The following ZNF382 variants were observed in gnomAD, a reference collection of about 807,000 sequenced individuals.
ZNF382 encodes zinc finger protein 382, also known as KRAB/zinc finger suppressor protein 1.
ZNF382 carries 20 observed loss-of-function variants against 38.8 expected under a neutral mutation model. The observed-to-expected ratio is 0.51, with a 90% CI of 0.36 to 0.75. ZNF382 has a LOEUF of 0.75. Ranked by LOEUF, ZNF382 falls within the 30% of genes least tolerant of loss-of-function variation. The pLI is 0.00. For missense variants in ZNF382, 546 were observed against 654.1 expected (o/e 0.83, Z 1.80); for synonymous variants, 202 against 223.1 (o/e 0.91, Z 0.84).
At position 36,627,166 on chromosome 19, in the gene ZNF382, C is replaced by T. The variant is rs765710784; in HGVS notation, c.1269C>T (p.Leu423=). The stretch of plus-strand genomic sequence containing the variant: ...AGGCATTTATCCAGAAGACAACCCT[C>T]ACTGTTCATCAGAGAACTCACACAG... ...CGKAFIQKTT[L]TVHQRTHTGE... is the part of the protein sequence containing the mutation. The change falls in exon 5 of 5, where the codon CTC becomes CTT. Residue 423 remains leucine (L), a synonymous_variant. Coordinates refer to ENST00000292928, the MANE Select transcript of ZNF382 (RefSeq NM_032825.5). The T allele has an allele frequency of 2.4e-5, 38 of 1,614,034 alleles. No individual in the cohort carries two copies. The highest frequency in any genetic ancestry group is 3.1e-5 in the Non-Finnish European group (36 of 1,180,038).
chr19:36,628,125 T>A lies in ZNF382; in HGVS notation c.*575T>A, dbSNP rs2037230355. The A allele has an allele frequency of 6.6e-6, 1 of 152,452 alleles. No homozygotes were observed. The highest frequency in any genetic ancestry group is 1.5e-5 in the Non-Finnish European group (1 of 68,240). The allele number at this position is 152,452 out of a possible 1,614,324, so 9.4% of individuals were successfully genotyped here. A position where few individuals can be genotyped will look rare whatever the true frequency, so the allele number is the denominator to read the frequency against. On this transcript the variant is annotated 3_prime_UTR_variant, in exon 5 of 5. Transcript: ENST00000292928. ...ACCTTCATCATGTCCGTGAGTCTAA[T>A]CATTAGTACGTGTGGCAGAAGTTTA... is the stretch of plus-strand genomic sequence containing the variant.
intron 4 of ZNF382, among the ~76,000 whole-genome samples, chr19:36,612,356 G>T (rs1317971522): frequency 6.6e-6 from 1 of 152,192 alleles, no homozygotes; most frequent in African/African-American, 2.4e-5. Context: ...ATCTCTTGTT[G>T]AAAGACATTT....
intron 4 of ZNF382, among the ~76,000 whole-genome samples, chr19:36,619,376 A>G (rs2037150587): frequency 4.6e-5 from 7 of 152,182 alleles, no homozygotes. Context: ...GCAGGAGGGC[A>G]CAGGCCTGTG....
chr19:36,620,683 TC>T (rs1390295134), intron 4 of ZNF382, among the ~76,000 whole-genome samples: 1 of 152,220 alleles, frequency 6.6e-6, no homozygotes, highest in Non-Finnish European at 1.5e-5. Context: ...AATTGTCCTA[TC>T]CTTTTTGGTT....
intron 3 of ZNF382, 113 bp from the exon 4 acceptor site, chr19:36,610,537 G>A (rs2037068853): frequency 7.3e-6 from 5 of 685,070 alleles, no homozygotes; most frequent in Non-Finnish European, 1.2e-5. Context: ...TATTAACTTT[G>A]GTAAGACATT....
Position 36,628,506 on chromosome 19 carries a change from T to G in ZNF382, c.*956T>G, listed in dbSNP as rs898442732. 3 of 153,042 alleles carry G rather than the reference T, an allele frequency of 2.0e-5. No individual in the cohort carries two copies. The highest frequency in any genetic ancestry group is 7.2e-5 in the African/African-American group (3 of 41,452). 9.5% of individuals were successfully genotyped at this position (153,042 alleles called of 1,614,324 possible). A position where few individuals can be genotyped will look rare whatever the true frequency, so the allele number is the denominator to read the frequency against. On this transcript the variant is annotated 3_prime_UTR_variant, in exon 5 of 5. Transcript: ENST00000292928. ...ACTCAATCAATGTTATTGTGAAAAC[T>G]GGGAATGTGAATGTAATATATGTAG...
rs1422243423 is a variant in ZNF382, at chr19:36,633,578, T to G, written c.*6028T>G. On this transcript the variant is annotated 3_prime_UTR_variant, in exon 5 of 5. Transcript: ENST00000292928. ...CAATATGACCCAGCAATCCCACTTA[T>G]AAGTACTTATCCTAGAGAAATGAAA... 6.6e-6 allele frequency: 1 copy of G among 152,172 alleles called. No homozygotes were observed. Among genetic ancestry groups the G allele is most frequent in the South Asian group, 2.1e-4 (1 of 4,818 alleles). The allele number at this position is 152,172 out of a possible 1,614,324, so 9.4% of individuals were successfully genotyped here.
At chr19:36,611,965 T>C (rs2037080979) in intron 4 of ZNF382, among the ~76,000 whole-genome samples, 1 of 152,228 alleles carries the variant, frequency 6.6e-6, no homozygotes, top group Non-Finnish European at 1.5e-5. Context: ...CCTGGGTTTG[T>C]GGAAATATTG....
Position 36,627,681 on chromosome 19 carries a change from AACACACAC to A in ZNF382, c.*153_*160del, listed in dbSNP as rs10669183. On this transcript the variant is annotated 3_prime_UTR_variant, in exon 5 of 5. Coordinates refer to ENST00000292928, the MANE Select transcript of ZNF382 (RefSeq NM_032825.5). ...TAACCTACTGTTTGCCAGCCTGTAA[AACACACAC>A]ACACACACACACACACACACAAATA... 1.1e-3 allele frequency: 564 copies of A among 533,046 alleles called. No individual in the cohort carries two copies. Among genetic ancestry groups the A allele is most frequent in the African/African-American group, 0.01 (524 of 51,376 alleles). 33.0% of individuals were successfully genotyped at this position (533,046 alleles called of 1,614,324 possible).
chr19:36,623,551 A>G (rs1443904569), intron 4 of ZNF382, among the ~76,000 whole-genome samples: 4 of 152,128 alleles, frequency 2.6e-5, no homozygotes, highest in Non-Finnish European at 5.9e-5. Flanking sequence ...GCATTTTGGG[A>G]GGCCAGGGCA....
chr19:36,623,373 G>A (rs546195049), intron 4 of ZNF382, among the ~76,000 whole-genome samples: 2 of 152,232 alleles, frequency 1.3e-5, no homozygotes, highest in South Asian at 4.1e-4. Context: ...ATCAAATTGA[G>A]GACTTTACAT....
In ZNF382 at chr19:36,627,099, C is replaced by G; in HGVS notation, c.1202C>G (p.Thr401Ser). ...KKSYLIDHQR[T>S]HTGEKPYQCN... is the part of the protein sequence containing the mutation. Reference sequence around the variant, plus strand: ...TCATACCTCATTGATCACCAGAGAACTCACACAGGAGAGAAACCGTATCAG... The same window carrying G: ...TCATACCTCATTGATCACCAGAGAAGTCACACAGGAGAGAAACCGTATCAG... The change falls in exon 5 of 5, where the codon ACT (threonine) becomes AGT (serine). Residue 401 changes from threonine (T) to serine (S), a missense_variant. Physicochemically the swap from Thr to Ser is moderately conservative, Grantham distance 58. Transcript: ENST00000292928. The G allele has an allele frequency of 6.2e-7, 1 of 1,614,128 alleles. No individual in the cohort carries two copies. The highest frequency in any genetic ancestry group is 8.5e-7 in the Non-Finnish European group (1 of 1,180,030).
chr19:36,623,004 T>C (rs897949290), intron 4 of ZNF382, among the ~76,000 whole-genome samples: 3 of 152,162 alleles, frequency 2.0e-5, no homozygotes, highest in Admixed American at 1.3e-4. Flanking sequence ...TCTGATATGA[T>C]CTAGTAATTT....
intron 4 of ZNF382, among the ~76,000 whole-genome samples, chr19:36,615,863 G>T (rs2037122159): frequency 6.6e-6 from 1 of 151,992 alleles, no homozygotes; most frequent in Non-Finnish European, 1.5e-5. Context: ...TATTTGACTA[G>T]TAAAGCCAAG....
At chr19:36,615,443 T>C (rs899166963) in intron 4 of ZNF382, among the ~76,000 whole-genome samples, 3 of 152,260 alleles carry the variant, frequency 2.0e-5, no homozygotes, top group Non-Finnish European at 4.4e-5. Context: ...CTTACAACTT[T>C]ATAGATACAT....
At position 36,626,529 on chromosome 19, in the gene ZNF382, C is replaced by G. The variant is rs1399411713; in HGVS notation, c.632C>G (p.Pro211Arg). The G allele has an allele frequency of 1.2e-6, 2 of 1,612,336 alleles. No individual in the cohort carries two copies. The highest frequency in any genetic ancestry group is 3.4e-5 in the Admixed American group (2 of 59,640). Reference protein sequence around the residue: ...QHQKVQAPEQPFDHNECEKSF... With the variant: ...QHQKVQAPEQRFDHNECEKSF... ...CAGAAGGTTCAAGCTCCAGAGCAAC[C>G]ATTTGACCATAATGAATGTGAAAAA... The change falls in exon 5 of 5, where the codon CCA (proline) becomes CGA (arginine). Residue 211 changes from proline to arginine, a missense_variant. Coordinates refer to ENST00000292928, the MANE Select transcript of ZNF382 (RefSeq NM_032825.5).
In ZNF382 at chr19:36,630,339, A is replaced by G. The variant is rs2037245709; in HGVS notation, c.*2789A>G. The G allele has an allele frequency of 1.4e-5, 2 of 147,814 alleles. No individual in the cohort carries two copies. Among genetic ancestry groups the G allele is most frequent in the Non-Finnish European group, 3.0e-5 (2 of 67,502 alleles). The allele number at this position is 147,814 out of a possible 1,614,324, so 9.2% of individuals were successfully genotyped here. A position where few individuals can be genotyped will look rare whatever the true frequency, so the allele number is the denominator to read the frequency against. On this transcript the variant is annotated 3_prime_UTR_variant, in exon 5 of 5. Transcript: ENST00000292928. Reference sequence around the variant, plus strand: ...CTTTTGAATGCTTTAAAGAAAGTCTAAATAAAGTTGCGTTTTCTTTTCTTT... The same window carrying G: ...CTTTTGAATGCTTTAAAGAAAGTCTGAATAAAGTTGCGTTTTCTTTTCTTT...
intron 4 of ZNF382, among the ~76,000 whole-genome samples, chr19:36,618,206 T>A (rs3108605): frequency 0.65 from 98,770 of 152,026 alleles, 32,217 homozygotes; most frequent in Non-Finnish European, 0.68. Context: ...CTCTCTTTTA[T>A]TATAACATTT....
chr19:36,627,117 C>T lies in ZNF382; in HGVS notation c.1220C>T (p.Pro407Leu), dbSNP rs760133178. ...DHQRTHTGEK[P>L]YQCNECGKAF... ...CAGAGAACTCACACAGGAGAGAAAC[C>T]GTATCAGTGTAATGAGTGTGGGAAG... is the stretch of plus-strand genomic sequence containing the variant. Residue 407 changes from proline (P) to leucine (L), a missense_variant, in exon 5 of 5, where the codon CCG (proline) becomes CTG (leucine). By Grantham distance (98) the Pro-to-Leu change is moderately conservative (BLOSUM62 -3). Coordinates refer to ENST00000292928, the MANE Select transcript of ZNF382 (RefSeq NM_032825.5). 2.5e-6 allele frequency: 4 copies of T among 1,614,052 alleles called. No individual in the cohort carries two copies. Among genetic ancestry groups the T allele is most frequent in the South Asian group, 1.1e-5 (1 of 91,068 alleles).
Sources: allele counts gnomAD v4.1 joint callset (sites outside exome capture counted in the v4.1 genomes callset), GRCh38; gene constraint gnomAD v4.1.1; transcripts MANE v1.5; gene names NCBI Gene and HGNC (gene_info 2026-07-23, HGNC 2026-07-21).